Variants in DPP10 observed in about 807,000 individuals in gnomAD.
DPP10 encodes the protein dipeptidyl peptidase like 10.
DPP10 carries 33 observed loss-of-function variants against 120.9 expected under a neutral mutation model. That is an observed-to-expected ratio of 0.27 (90% confidence interval 0.21 to 0.37). The LOEUF (loss-of-function observed/expected upper bound fraction) is 0.37. Among genes scored for constraint, DPP10 ranks in the 10% least tolerant of loss-of-function variants. The probability of loss-of-function intolerance (pLI) is 1.00; values close to 1 mark genes in which losing one functional copy is unlikely to be tolerated. For missense variants in DPP10, 816 were observed against 942.8 expected (o/e 0.87, Z 1.76); for synonymous variants, 337 against 326.1 (o/e 1.03, Z -0.36).
At chr2:115,580,472 C>T (rs894292196) in intron 5 of DPP10, among the ~76,000 whole-genome samples, 8 of 149,754 alleles carry the variant, frequency 5.3e-5, no homozygotes, top group Non-Finnish European at 1.0e-4. Flanking sequence ...TATTAATCCA[C>T]CCAATATTAT....
intron 4 of DPP10, among the ~76,000 whole-genome samples, chr2:115,525,118 A>G (rs142277903): frequency 6.6e-5 from 10 of 152,298 alleles, no homozygotes; most frequent in African/African-American, 2.2e-4. Context: ...AGTATCTATT[A>G]TGCTTAAAAT....
intron 1 of DPP10, among the ~76,000 whole-genome samples, chr2:114,810,390 T>G (rs1685079928): frequency 1.3e-5 from 2 of 152,178 alleles, no homozygotes; most frequent in Non-Finnish European, 2.9e-5. Flanking sequence ...AAAACAAAGA[T>G]TTCCAAGTGC....
chr2:114,534,467 C>T (rs539798746), intron 1 of DPP10, among the ~76,000 whole-genome samples: 2 of 152,126 alleles, frequency 1.3e-5, no homozygotes, highest in Non-Finnish European at 1.5e-5. Flanking sequence ...CTTTCAGATT[C>T]GCAAGAGGAG....
At chr2:114,590,923 T>C (rs1290361089) in intron 1 of DPP10, among the ~76,000 whole-genome samples, 2 of 152,200 alleles carry the variant, frequency 1.3e-5, no homozygotes, top group African/African-American at 2.4e-5. Flanking sequence ...GTGGCTCTTG[T>C]GAGCCTATAA....
At chr2:115,480,552 CTG>C (rs2075366975) in intron 3 of DPP10, among the ~76,000 whole-genome samples, 1 of 152,084 alleles carries the variant, frequency 6.6e-6, no homozygotes, top group South Asian at 2.1e-4. Context: ...TATATCATAT[CTG>C]TATCTTTGAA....
intron 10 of DPP10, among the ~76,000 whole-genome samples, chr2:115,747,133 T>C (rs1678083085): frequency 6.6e-6 from 1 of 152,182 alleles, no homozygotes; most frequent in African/African-American, 2.4e-5. Flanking sequence ...CCTCATTAAC[T>C]ACCTAATATA....
chr2:114,653,670 T>G (rs2105501081), intron 1 of DPP10, among the ~76,000 whole-genome samples: 1 of 152,308 alleles, frequency 6.6e-6, no homozygotes, highest in South Asian at 2.1e-4. Flanking sequence ...AGATAGAGCC[T>G]TTCTTTGCTC....
At chr2:114,532,296 T>TATACACAC (rs1342125338) in intron 1 of DPP10, among the ~76,000 whole-genome samples, 81 of 74,708 alleles carry the variant, frequency 1.1e-3, no homozygotes, top group Non-Finnish European at 1.7e-3. Context: ...TATATATATA[T>TATACACAC]ACACACACAC....
intron 1 of DPP10, among the ~76,000 whole-genome samples, chr2:114,477,474 C>T (rs1378031428): frequency 2.7e-5 from 4 of 150,894 alleles, no homozygotes; most frequent in African/African-American, 9.8e-5. Flanking sequence ...CACATATACA[C>T]ATACATACAC....
At chr2:114,614,171 C>G (rs1693502271) in intron 1 of DPP10, among the ~76,000 whole-genome samples, 1 of 152,152 alleles carries the variant, frequency 6.6e-6, no homozygotes, top group African/African-American at 2.4e-5. Flanking sequence ...CTCCCTAACA[C>G]AATTTAGCTT....
intron 1 of DPP10, among the ~76,000 whole-genome samples, chr2:115,177,388 G>C (rs2105110427): frequency 6.6e-6 from 1 of 152,222 alleles, no homozygotes; most frequent in African/African-American, 2.4e-5. Flanking sequence ...ATTTTTCAGA[G>C]GTCTTTGTCA....
intron 3 of DPP10, among the ~76,000 whole-genome samples, chr2:115,388,271 T>C (rs1261491546): frequency 1.3e-5 from 2 of 152,198 alleles, no homozygotes; most frequent in African/African-American, 4.8e-5. Flanking sequence ...GGTAGATAGG[T>C]GCCATGTTAT....
At chr2:115,247,031 A>G (rs901493132) in intron 1 of DPP10, among the ~76,000 whole-genome samples, 2 of 152,168 alleles carry the variant, frequency 1.3e-5, no homozygotes, top group Non-Finnish European at 2.9e-5. Flanking sequence ...TACAGCTAAC[A>G]TTTAAATTCA....
intron 1 of DPP10, among the ~76,000 whole-genome samples, chr2:115,236,033 A>G (rs1487449055): frequency 6.6e-6 from 1 of 152,164 alleles, no homozygotes; most frequent in Non-Finnish European, 1.5e-5. Flanking sequence ...AAGGAGTGCA[A>G]GAAACAGACA....
intron 5 of DPP10, among the ~76,000 whole-genome samples, chr2:115,674,842 C>T (rs750437086): frequency 1.4e-4 from 21 of 152,098 alleles, no homozygotes; most frequent in Non-Finnish European, 2.5e-4. Context: ...AACTTTCTTC[C>T]GATATTAATG....
At chr2:115,498,061 G>T (rs2076495236) in intron 3 of DPP10, among the ~76,000 whole-genome samples, 1 of 151,878 alleles carries the variant, frequency 6.6e-6, no homozygotes, top group African/African-American at 2.4e-5. Flanking sequence ...CAGCCTCAGG[G>T]AGTAACTGGG....
At chr2:115,676,754 A>C (rs2090296245) in intron 5 of DPP10, among the ~76,000 whole-genome samples, 1 of 152,204 alleles carries the variant, frequency 6.6e-6, no homozygotes, top group African/African-American at 2.4e-5. Flanking sequence ...GCAGAGAAGA[A>C]GAAAAACATA....
At chr2:114,789,519 A>G (rs563698893) in intron 1 of DPP10, among the ~76,000 whole-genome samples, 6 of 152,286 alleles carry the variant, frequency 3.9e-5, no homozygotes, top group South Asian at 2.1e-4. Flanking sequence ...AGCCAGTAGC[A>G]TGGCGTCAAG....
intron 1 of DPP10, among the ~76,000 whole-genome samples, chr2:114,829,729 T>C (rs1351870110): frequency 2.0e-5 from 3 of 152,018 alleles, no homozygotes; most frequent in Admixed American, 1.3e-4. Context: ...TCTTCTTAAA[T>C]AGGGAAATAC....
Sources: gnomAD v4.1 joint callset for allele counts (sites outside exome capture counted in the v4.1 genomes callset) on GRCh38, gnomAD v4.1.1 for gene constraint, MANE v1.5 for transcripts, NCBI Gene and HGNC (gene_info 2026-07-23, HGNC 2026-07-21) for gene names.